The following KATNIP variants were observed in gnomAD, a reference collection of about 807,000 sequenced individuals.
KATNIP encodes the protein katanin-interacting protein.
A neutral mutation model predicts 174.0 loss-of-function variants in KATNIP; 126 were observed. The observed-to-expected ratio is 0.72, with a 90% CI of 0.63 to 0.84. The LOEUF (loss-of-function observed/expected upper bound fraction) is 0.84, where lower values mean the gene tolerates loss of function less well. Among genes scored for constraint, KATNIP ranks in the 40% least tolerant of loss-of-function variants. KATNIP has a pLI of 0.00. For synonymous variants in KATNIP, 810 were observed against 835.7 expected, an observed-to-expected ratio of 0.97 and a Z score of 0.53; for missense variants, 1,958 against 2,109.7, an observed-to-expected ratio of 0.93 and a Z score of 1.41.
chr16:27,641,687 C>T (rs996838080), intron 5 of KATNIP, among the ~76,000 whole-genome samples: 3 of 152,210 alleles, frequency 2.0e-5, no homozygotes, highest in Non-Finnish European at 4.4e-5. Context: ...ATTGAATGTG[C>T]GTGCGTGTAA....
chr16:27,724,337 A>C (rs571762866), intron 14 of KATNIP, among the ~76,000 whole-genome samples: 3 of 152,234 alleles, frequency 2.0e-5, no homozygotes, highest in Non-Finnish European at 4.4e-5. Context: ...TGTGCCCTGC[A>C]GCTCGGCCCT....
chr16:27,747,765 G>A (rs2081345593), intron 15 of KATNIP, among the ~76,000 whole-genome samples: 1 of 151,978 alleles, frequency 6.6e-6, no homozygotes, highest in South Asian at 2.1e-4. Flanking sequence ...GGCTGGGAGG[G>A]GTGGGAGGGG....
intron 22 of KATNIP, among the ~76,000 whole-genome samples, chr16:27,772,649 A>C (rs1397487005): frequency 6.6e-6 from 1 of 152,128 alleles, no homozygotes; most frequent in Admixed American, 6.5e-5. Flanking sequence ...GGGATGGAGG[A>C]GGTTGCAGGT....
rs1244509747 is a variant in KATNIP, at chr16:27,750,245, G to T, written c.3285G>T (p.Leu1095=). ...GAGGCGTGAAGGACATCACAATGCT[G>T]TTAGACACCCAGTGCATCTTTGAAG... ...SFRGVKDITM[L]LDTQCIFEGE... The change falls in exon 16 of 28, where the codon CTG becomes CTT. Residue 1095 remains leucine (L), a synonymous_variant. Coordinates refer to ENST00000261588, the MANE Select transcript of KATNIP (RefSeq NM_015202.5). 6.2e-7 allele frequency: 1 copy of T among 1,614,072 alleles called. No homozygotes were observed. Among genetic ancestry groups the T allele is most frequent in the Non-Finnish European group, 8.5e-7 (1 of 1,179,986 alleles).
chr16:27,758,596 C>T (rs746964892), intron 18 of KATNIP, among the ~76,000 whole-genome samples: 2 of 152,176 alleles, frequency 1.3e-5, no homozygotes, highest in Non-Finnish European at 2.9e-5. Flanking sequence ...CCCTGCCTAC[C>T]TGTCTGATTT....
At chr16:27,638,623 G>A (rs2076705467) in intron 5 of KATNIP, among the ~76,000 whole-genome samples, 1 of 152,038 alleles carries the variant, frequency 6.6e-6, no homozygotes, top group Admixed American at 6.6e-5. Flanking sequence ...CCGGTCTTGG[G>A]GTTTCACTTG....
chr16:27,612,247 A>G (rs990290721), intron 2 of KATNIP, among the ~76,000 whole-genome samples: 2 of 152,178 alleles, frequency 1.3e-5, no homozygotes, highest in African/African-American at 4.8e-5. Context: ...GACAACAGGT[A>G]CAGGCATCAC....
chr16:27,705,364 T>A (rs1016115197), intron 12 of KATNIP, among the ~76,000 whole-genome samples: 2 of 152,112 alleles, frequency 1.3e-5, no homozygotes, highest in Non-Finnish European at 2.9e-5. Context: ...AAGCCACATA[T>A]AAAATCCTAT....
chr16:27,768,542 G>A (rs975910921), intron 20 of KATNIP, among the ~76,000 whole-genome samples: 1 of 152,174 alleles, frequency 6.6e-6, no homozygotes, highest in African/African-American at 2.4e-5. Flanking sequence ...TCCAAGCCCA[G>A]CAGAAGAGAA....
chr16:27,704,518 A>G (rs2079222701), intron 12 of KATNIP, among the ~76,000 whole-genome samples: 1 of 152,198 alleles, frequency 6.6e-6, no homozygotes, highest in Non-Finnish European at 1.5e-5. Context: ...TTCCTTATCT[A>G]AGGAAATCAC....
chr16:27,587,041 A>T (rs2141832667), intron 2 of KATNIP, among the ~76,000 whole-genome samples: 1 of 152,020 alleles, frequency 6.6e-6, no homozygotes, highest in African/African-American at 2.4e-5. Context: ...CCGGGCAGGC[A>T]AGGCAGGAGG....
In KATNIP at chr16:27,777,280, T is replaced by C. The variant is rs533306066; in HGVS notation, c.4551+251T>C. 1.3e-5 allele frequency among the ~76,000 whole-genome samples: 2 copies of C among 152,216 alleles called. No homozygotes were observed. The highest frequency in any genetic ancestry group is 3.9e-4 in the East Asian group (2 of 5,178). On this transcript the variant is annotated intron_variant, in intron 25 of 27. Transcript: ENST00000261588. The surrounding 1 kb of genome is among the most constrained non-coding windows in gnomAD (Gnocchi z 4.4). ...GTCTTTTCCTCTAGAATCCCACTGG[T>C]TTGGGGCGGTGACCCTGGGATGGGG... is the stretch of plus-strand genomic sequence containing the variant.
intron 3 of KATNIP, 101 bp downstream of exon 3, chr16:27,618,602 T>C: frequency 1.3e-6 from 1 of 766,250 alleles, no homozygotes; most frequent in Non-Finnish European, 2.3e-6. Flanking sequence ...AGGAATGGGA[T>C]GCAGAGTCCC....
At chr16:27,721,476 T>G in intron 13 of KATNIP, 82 bp from the exon 14 acceptor site, 258 of 1,561,794 alleles carry the variant, frequency 1.7e-4, no homozygotes, top group Non-Finnish European at 2.0e-4. Context: ...CTGGTTTTCG[T>G]GAGCCAAAGA....
Position 27,775,092 on chromosome 16 carries a change from C to T in KATNIP, c.4449+8C>T, listed in dbSNP as rs757267526. ...CCCATCCTGCCGGGCCTGGTGGGTT[C>T]CCGGCAGCGGCCACCGCAGCTCCTG... On this transcript the variant is annotated splice_region_variant and intron_variant, in intron 24 of 27. Coordinates refer to ENST00000261588, the MANE Select transcript of KATNIP (RefSeq NM_015202.5). 79 of 1,609,818 alleles carry T rather than the reference C, an allele frequency of 4.9e-5. No individual in the cohort carries two copies. Among genetic ancestry groups the T allele is most frequent in the Non-Finnish European group, 6.4e-5 (76 of 1,179,022 alleles).
At chr16:27,580,839 T>C (rs1248204457) in intron 2 of KATNIP, among the ~76,000 whole-genome samples, 1 of 152,126 alleles carries the variant, frequency 6.6e-6, no homozygotes, top group African/African-American at 2.4e-5. Flanking sequence ...ACTCGAAACA[T>C]TTAAGGCCAA....
Position 27,708,686 on chromosome 16 carries a change from TA to T in KATNIP, c.1390-18del, listed in dbSNP as rs2079429719. On this transcript the variant is annotated intron_variant, in intron 12 of 27. Coordinates refer to ENST00000261588, the MANE Select transcript of KATNIP (RefSeq NM_015202.5). ...CTGTCATGACTTAATCCTTTGGTGT[TA>T]TTTTTCTCTTCTTTAAGGACAAACA... The T allele has an allele frequency of 6.3e-7, 1 of 1,591,472 alleles. No homozygotes were observed. The highest frequency in any genetic ancestry group is 1.3e-5 in the African/African-American group (1 of 74,478).
chr16:27,717,738 T>G (rs1300621132), intron 13 of KATNIP, among the ~76,000 whole-genome samples: 1 of 152,178 alleles, frequency 6.6e-6, no homozygotes, highest in Non-Finnish European at 1.5e-5. Context: ...AGCACTGAGA[T>G]TTCTTTCCTG....
rs1339445626 is a variant in KATNIP, at chr16:27,750,481, G to A, written c.3346+175G>A. On this transcript the variant is annotated intron_variant, in intron 16 of 27. Coordinates refer to ENST00000261588, the MANE Select transcript of KATNIP (RefSeq NM_015202.5). ...GTCCCCCAGGCTGGAGTGCAGTGGC[G>A]CGATCTTGGCTCACTGCAAGATCCG... Among the ~76,000 whole-genome samples the A allele has an allele frequency of 4.0e-5, 6 of 149,066 alleles. No homozygotes were observed. The East Asian group carries it at 7.9e-4, about 20-fold the overall frequency.
Sources: gnomAD v4.1 joint callset for allele counts (sites outside exome capture counted in the v4.1 genomes callset) on GRCh38, gnomAD v4.1.1 for gene constraint, Gnocchi (gnomAD v3.1) non-coding constraint, MANE v1.5 for transcripts, NCBI Gene and HGNC (gene_info 2026-07-23, HGNC 2026-07-21) for gene names.